The following IL1RAPL2 variants were observed in gnomAD, a reference collection of about 807,000 sequenced individuals.
IL1RAPL2 encodes interleukin 1 receptor accessory protein like 2.
A neutral mutation model predicts 44.1 loss-of-function variants in IL1RAPL2; 3 were observed. The ratio of observed to expected loss-of-function variants is 0.07; its 90% confidence interval spans 0.03 to 0.18. The LOEUF is 0.18. IL1RAPL2 is among the 10% of genes least tolerant of loss of function. IL1RAPL2 has a pLI of 1.00. For missense variants in IL1RAPL2, 391 were observed against 496.4 expected (o/e 0.79, Z 2.02); for synonymous variants, 181 against 178.8 (o/e 1.01, Z -0.10).
At chrX:105,035,668 A>G (rs1385245406) in intron 2 of IL1RAPL2, among the ~76,000 whole-genome samples, 1 of 112,491 alleles carries the variant, frequency 8.9e-6, no homozygotes, top group Non-Finnish European at 1.9e-5. Flanking sequence ...CAAATAATCC[A>G]AAGTGTTTTT....
intron 2 of IL1RAPL2, among the ~76,000 whole-genome samples, chrX:105,039,159 G>A (rs990940653): frequency 9.9e-5 from 11 of 111,651 alleles, no homozygotes; most frequent in African/African-American, 2.0e-4. Flanking sequence ...ATCTCTAACT[G>A]CACAAACATT....
At chrX:104,881,860 T>G (rs888557443) in intron 2 of IL1RAPL2, among the ~76,000 whole-genome samples, 1 of 111,937 alleles carries the variant, frequency 8.9e-6, no homozygotes, top group African/African-American at 3.2e-5. Context: ...TGGTGAGAAT[T>G]TTTTGAGAAC....
intron 5 of IL1RAPL2, among the ~76,000 whole-genome samples, chrX:105,483,045 T>TAA (rs5903267): frequency 1.0e-5 from 1 of 97,158 alleles, no homozygotes; most frequent in Non-Finnish European, 2.1e-5. Flanking sequence ...GTCCTCTCAT[T>TAA]AAAAAAAAAA....
intron 5 of IL1RAPL2, among the ~76,000 whole-genome samples, chrX:105,292,109 A>T (rs2034617919): frequency 9.0e-6 from 1 of 111,665 alleles, no homozygotes. Context: ...AATATATATG[A>T]TGTTTTGATA....
chrX:105,685,540 T>A (rs1244069754), intron 6 of IL1RAPL2, among the ~76,000 whole-genome samples: 1 of 111,321 alleles, frequency 9.0e-6, no homozygotes, highest in African/African-American at 3.3e-5. Context: ...CTCCAAGAAA[T>A]ATGGATCTAT....
In IL1RAPL2 at chrX:104,874,279, C is replaced by CCTCTCCCTCTCTCTCTCT. The variant is rs747491911; in HGVS notation, c.82+215289_82+215290insCCTCTCTCTCTCTCTCTC. Among the ~76,000 whole-genome samples the CCTCTCCCTCTCTCTCTCT allele has an allele frequency of 3.0e-3, 230 of 76,311 alleles. 7 individuals carry two copies. The highest frequency in any genetic ancestry group is 6.9e-3 in the Middle Eastern group (1 of 145). The allele number at this position is 76,311 out of a possible 115,157, so 66.3% of individuals were successfully genotyped here. A position where few individuals can be genotyped will look rare whatever the true frequency, so the allele number is the denominator to read the frequency against. On this transcript the variant is annotated intron_variant, in intron 2 of 10. Transcript: ENST00000372582. ...TTGATTATTTTTAACTGTCTGTATT[C>CCTCTCCCTCTCTCTCTCT]CTCTCTCTCTCTCTCTCTCTCTCTC...
At chrX:105,154,886 A>G (rs1467166797) in intron 2 of IL1RAPL2, among the ~76,000 whole-genome samples, 1 of 111,630 alleles carries the variant, frequency 9.0e-6, no homozygotes, top group African/African-American at 3.3e-5. Flanking sequence ...TTAGCCTAAA[A>G]CAAACTTATC....
chrX:105,027,922 CAACTT>C (rs1322439357), intron 2 of IL1RAPL2, among the ~76,000 whole-genome samples: 2 of 111,745 alleles, frequency 1.8e-5, no homozygotes, highest in Non-Finnish European at 3.8e-5. Context: ...GATTTGGAAA[CAACTT>C]AAGTGTCCAT....
chrX:105,384,527 T>G (rs960842624), intron 5 of IL1RAPL2, among the ~76,000 whole-genome samples: 1 of 111,809 alleles, frequency 8.9e-6, no homozygotes, highest in East Asian at 2.8e-4. Flanking sequence ...TAGTATAATT[T>G]GAAGTCAAGG....
intron 2 of IL1RAPL2, among the ~76,000 whole-genome samples, chrX:104,896,718 C>T (rs987188778): frequency 9.0e-6 from 1 of 111,673 alleles, no homozygotes; most frequent in Non-Finnish European, 1.9e-5. Context: ...CCACTTTGGT[C>T]ACCTTCCATG....
chrX:105,079,419 C>A (rs2032368538), intron 2 of IL1RAPL2, among the ~76,000 whole-genome samples: 2 of 108,875 alleles, frequency 1.8e-5, no homozygotes, highest in African/African-American at 3.3e-5. Context: ...GGAACCAACC[C>A]AAATGCCCAT....
At chrX:104,888,244 G>C (rs1923311503) in intron 2 of IL1RAPL2, among the ~76,000 whole-genome samples, 2 of 107,961 alleles carry the variant, frequency 1.9e-5, no homozygotes, top group African/African-American at 3.4e-5. Flanking sequence ...GTCAGAGAGA[G>C]AGAGAGAGAG....
chrX:105,605,726 G>T (rs1470032582), intron 6 of IL1RAPL2, among the ~76,000 whole-genome samples: 1 of 111,576 alleles, frequency 9.0e-6, no homozygotes, highest in African/African-American at 3.3e-5. Context: ...AACCAAAACA[G>T]CATGGTGCCA....
chrX:104,594,125 C>A lies in IL1RAPL2; in HGVS notation c.-20+27074C>A, dbSNP rs748948881. Among the ~76,000 whole-genome samples, 172 of 112,076 alleles carry A rather than the reference C, an allele frequency of 1.5e-3. 1 individual carries two copies. The highest frequency in any genetic ancestry group is 1.8e-3 in the Non-Finnish European group (97 of 53,179). On this transcript the variant is annotated intron_variant, in intron 1 of 10. Coordinates refer to ENST00000372582, the MANE Select transcript of IL1RAPL2 (RefSeq NM_017416.2). ...CAGCCCAGAGGGATACAACAGTGAA[C>A]AAAGCAGACAAGAATACCTGTCATT...
At chrX:105,103,892 A>G (rs1483825410) in intron 2 of IL1RAPL2, among the ~76,000 whole-genome samples, 9 of 112,090 alleles carry the variant, frequency 8.0e-5, no homozygotes, top group Non-Finnish European at 1.7e-4. Flanking sequence ...TCCTGGTCCC[A>G]TAATAAAAGA....
At chrX:104,674,659 T>C (rs1930703615) in intron 2 of IL1RAPL2, among the ~76,000 whole-genome samples, 1 of 110,548 alleles carries the variant, frequency 9.0e-6, no homozygotes, top group Non-Finnish European at 1.9e-5. Flanking sequence ...TTGGAATAGT[T>C]TCAGAAGGAA....
At chrX:104,809,888 A>G (rs1169663295) in intron 2 of IL1RAPL2, among the ~76,000 whole-genome samples, 1 of 111,197 alleles carries the variant, frequency 9.0e-6, no homozygotes, top group East Asian at 2.8e-4. Flanking sequence ...TAGAAATACC[A>G]TTTGACCCAG....
chrX:104,825,833 C>G (rs1361313570), intron 2 of IL1RAPL2, among the ~76,000 whole-genome samples: 2 of 111,882 alleles, frequency 1.8e-5, no homozygotes, highest in East Asian at 5.6e-4. Flanking sequence ...TTAGGTAGGT[C>G]ATTCTTATGG....
At chrX:105,075,617 G>A (rs2147542276) in intron 2 of IL1RAPL2, among the ~76,000 whole-genome samples, 1 of 112,051 alleles carries the variant, frequency 8.9e-6, no homozygotes, top group East Asian at 2.8e-4. Context: ...AGAAGGAATG[G>A]TACCAGCTCC....
Sources: gnomAD v4.1 joint callset for allele counts (sites outside exome capture counted in the v4.1 genomes callset) on GRCh38, gnomAD v4.1.1 for gene constraint, MANE v1.5 for transcripts, NCBI Gene and HGNC (gene_info 2026-07-23, HGNC 2026-07-21) for gene names.